Variants in STPG2 observed in about 807,000 individuals in gnomAD.
STPG2 encodes the protein sperm tail PG-rich repeat containing 2.
A neutral mutation model predicts 54.2 loss-of-function variants in STPG2; 56 were observed. The observed-to-expected ratio is 1.03, with a 90% CI of 0.83 to 1.29. The LOEUF is 1.29. STPG2 is among the 50% of genes most tolerant of loss of function. The pLI, the probability that STPG2 is intolerant of heterozygous loss-of-function variation, is 0.00. For synonymous variants in STPG2, 200 were observed against 181.8 expected (o/e 1.10, Z -0.81); for missense variants, 596 against 544.9 (o/e 1.09, Z -0.93).
chr4:98,076,233 G>A (rs1578834564), intron 5 of STPG2, among the ~76,000 whole-genome samples: 1 of 144,318 alleles, frequency 6.9e-6, no homozygotes, highest in Non-Finnish European at 1.5e-5. Context: ...AACAGAGCGA[G>A]ACTCTGTCTC....
At chr4:97,858,703 T>A (rs1729412606) in intron 8 of STPG2, among the ~76,000 whole-genome samples, 1 of 152,188 alleles carries the variant, frequency 6.6e-6, no homozygotes, top group African/African-American at 2.4e-5. Flanking sequence ...ACCAACTCCA[T>A]CCAGGTTGCT....
At chr4:97,848,767 C>T (rs927891050) in intron 8 of STPG2, among the ~76,000 whole-genome samples, 4 of 151,386 alleles carry the variant, frequency 2.6e-5, no homozygotes, top group Non-Finnish European at 5.9e-5. Flanking sequence ...ATCCTTTCCC[C>T]ATTGCTTGTT....
intron 4 of STPG2, among the ~76,000 whole-genome samples, chr4:97,497,841 C>T (rs913274287): frequency 1.3e-5 from 2 of 151,856 alleles, no homozygotes; most frequent in Non-Finnish European, 2.9e-5. Context: ...TCTACATACA[C>T]ATTCTTCTGA....
At chr4:97,944,732 A>G (rs1305265444) in intron 7 of STPG2, among the ~76,000 whole-genome samples, 3 of 152,170 alleles carry the variant, frequency 2.0e-5, no homozygotes, top group Non-Finnish European at 4.4e-5. Context: ...GACACATAGT[A>G]GCTAATAGAC....
chr4:98,104,847 T>C (rs1207598043), intron 5 of STPG2, among the ~76,000 whole-genome samples: 1 of 152,192 alleles, frequency 6.6e-6, no homozygotes, highest in African/African-American at 2.4e-5. Context: ...CAATCAAATC[T>C]TCAGCTTTTT....
At chr4:97,539,641 G>C (rs912389259) in intron 4 of STPG2, among the ~76,000 whole-genome samples, 29 of 152,178 alleles carry the variant, frequency 1.9e-4, no homozygotes, top group African/African-American at 6.8e-4. Flanking sequence ...CAATGAGACA[G>C]AAAGTTAACA....
intron 8 of STPG2, among the ~76,000 whole-genome samples, chr4:97,884,703 G>A (rs1220592393): frequency 1.3e-5 from 2 of 151,816 alleles, no homozygotes; most frequent in Non-Finnish European, 2.9e-5. Context: ...AAAAAAAGAA[G>A]CAAAGAAAAA....
At chr4:97,570,858 T>A (rs1732582151) in intron 10 of STPG2, among the ~76,000 whole-genome samples, 1 of 152,182 alleles carries the variant, frequency 6.6e-6, no homozygotes, top group Non-Finnish European at 1.5e-5. Context: ...TCCTTGGGTG[T>A]CTTCCACATA....
chr4:98,087,734 G>A (rs1009033773), intron 5 of STPG2, among the ~76,000 whole-genome samples: 3 of 151,786 alleles, frequency 2.0e-5, no homozygotes, highest in African/African-American at 4.8e-5. Flanking sequence ...CTAATTTTTT[G>A]TATTTTTAGT....
intron 10 of STPG2, among the ~76,000 whole-genome samples, chr4:97,676,188 C>A (rs1018897005): frequency 6.7e-6 from 1 of 150,370 alleles, no homozygotes; most frequent in Non-Finnish European, 1.5e-5. Flanking sequence ...CTGTATGATT[C>A]GAGACTATTC....
At chr4:97,758,425 T>C (rs1369946251) in intron 9 of STPG2, among the ~76,000 whole-genome samples, 4 of 152,200 alleles carry the variant, frequency 2.6e-5, no homozygotes, top group Non-Finnish European at 5.9e-5. Flanking sequence ...ATATACACCA[T>C]GGAATGCTAT....
At chr4:97,925,102 A>G (rs1426618216) in intron 8 of STPG2, among the ~76,000 whole-genome samples, 12 of 152,212 alleles carry the variant, frequency 7.9e-5, no homozygotes. Flanking sequence ...TTGCAAATCT[A>G]TTACTTCTGA....
chr4:97,965,557 C>G (rs1734066981), intron 7 of STPG2, among the ~76,000 whole-genome samples: 1 of 152,160 alleles, frequency 6.6e-6, no homozygotes, highest in Non-Finnish European at 1.5e-5. Context: ...GCCCTGACCC[C>G]CACGTAGACG....
At chr4:97,805,334 A>C (rs2149093051) in intron 9 of STPG2, among the ~76,000 whole-genome samples, 1 of 152,120 alleles carries the variant, frequency 6.6e-6, no homozygotes, top group African/African-American at 2.4e-5. Flanking sequence ...TCAGCCTCTG[A>C]GTAGCTGGGA....
intron 4 of STPG2, among the ~76,000 whole-genome samples, chr4:97,465,279 A>G (rs1729761763): frequency 6.6e-6 from 1 of 152,120 alleles, no homozygotes; most frequent in Admixed American, 6.6e-5. Context: ...TCCAGATTTC[A>G]AAGTCGTGGC....
At chr4:97,672,362 G>A (rs537606493) in intron 10 of STPG2, among the ~76,000 whole-genome samples, 1 of 151,502 alleles carries the variant, frequency 6.6e-6, no homozygotes, top group South Asian at 2.1e-4. Flanking sequence ...TTTTTTAGTA[G>A]AGACAGGGTT....
chr4:98,119,989 C>G (rs1446004287), intron 3 of STPG2, among the ~76,000 whole-genome samples: 1 of 152,038 alleles, frequency 6.6e-6, no homozygotes, highest in African/African-American at 2.4e-5. Context: ...TTTTCTTTAT[C>G]CAGTCTATCA....
Position 97,970,781 on chromosome 4 carries a change from A to G in STPG2, c.933+1499T>C, listed in dbSNP as rs1267117872. 1.3e-5 allele frequency among the ~76,000 whole-genome samples: 2 copies of G among 152,230 alleles called. 1 individual carries two copies. The highest frequency in any genetic ancestry group is 1.3e-4 in the Admixed American group (2 of 15,286). On this transcript the variant is annotated intron_variant, in intron 7 of 10. Transcript: ENST00000295268. Reference sequence around the variant, plus strand: ...ACTTCATGTCTAAAACACCAAAAGCAATGGCAACAAAAGTCAAAATTGACA... The same window carrying G: ...ACTTCATGTCTAAAACACCAAAAGCGATGGCAACAAAAGTCAAAATTGACA...
downstream of STPG2, among the ~76,000 whole-genome samples, chr4:97,553,979 A>T (rs1044020190): frequency 6.6e-6 from 1 of 151,856 alleles, no homozygotes; most frequent in African/African-American, 2.4e-5. Context: ...TCAAACTTCA[A>T]CTCTTTATTT....
Sources: gnomAD v4.1 joint callset for allele counts (sites outside exome capture counted in the v4.1 genomes callset) on GRCh38, gnomAD v4.1.1 for gene constraint, MANE v1.5 for transcripts, NCBI Gene and HGNC (gene_info 2026-07-23, HGNC 2026-07-21) for gene names.